TRA2B: variants seen among roughly 807,000 people sequenced by gnomAD.
TRA2B encodes the protein transformer 2 beta homolog.
Under a neutral mutation model 41.7 loss-of-function variants are expected in TRA2B, and 14 were observed. That is an observed-to-expected ratio of 0.34 (90% CI 0.22 to 0.53). The LOEUF (loss-of-function observed/expected upper bound fraction) is 0.53. TRA2B is among the 20% of genes least tolerant of loss of function. TRA2B has a pLI of 0.95. For missense variants in TRA2B, 167 were observed against 396.8 expected, an observed-to-expected ratio of 0.42 and a Z score of 4.92; for synonymous variants, 130 against 128.8, an observed-to-expected ratio of 1.01 and a Z score of -0.06.
chr3:185,934,375 T>G lies in TRA2B; in HGVS notation c.36+3450A>C, dbSNP rs1744266665. The G allele has an allele frequency of 3.0e-6, 3 of 985,196 alleles. No homozygotes were observed. In the Admixed American group the frequency reaches 1.8e-4, roughly 61 times the overall value. The allele number at this position is 985,196 out of a possible 1,614,324, so 61.0% of individuals were successfully genotyped here. A position where few individuals can be genotyped will look rare whatever the true frequency, so the allele number is the denominator to read the frequency against. On this transcript the variant is annotated intron_variant, in intron 1 of 8. Transcript: ENST00000453386. ...ATGTAAGGCAAATCCCATTAACACT[T>G]CCCCCACCACCTGAATTCCTTTTCA...
Position 185,923,777 on chromosome 3 carries a change from G to T in TRA2B, c.522+19C>A. 1 of 1,591,782 alleles carries T rather than the reference G, an allele frequency of 6.3e-7. No individual in the cohort carries two copies. Among genetic ancestry groups the T allele is most frequent in the South Asian group, 1.2e-5 (1 of 86,788 alleles). The stretch of plus-strand genomic sequence containing the variant: ...AACAATAGAACTGATGGTTTACAAA[G>T]GAACGGGCTTTTACTTACTTCCTTG... On this transcript the variant is annotated intron_variant, in intron 4 of 8. Coordinates refer to ENST00000453386, the MANE Select transcript of TRA2B (RefSeq NM_004593.3).
At chr3:185,937,004 G>T in intron 1 of TRA2B, 2 of 985,388 alleles carry the variant, frequency 2.0e-6, no homozygotes, top group Non-Finnish European at 2.4e-6. Flanking sequence ...AAATAACGGC[G>T]CCGTAAATGG....
intron 2 of TRA2B, 121 bp from the exon 3 acceptor site, chr3:185,925,747 A>G (rs1387610760): frequency 1.0e-6 from 1 of 993,956 alleles, no homozygotes; most frequent in African/African-American, 1.7e-5. Flanking sequence ...CATGGTTACC[A>G]ATTTAGTAGG....
Position 185,937,956 on chromosome 3 carries a change from G to C in TRA2B, c.-96C>G. 5 of 1,482,782 alleles carry C rather than the reference G, an allele frequency of 3.4e-6. No homozygotes were observed. Among genetic ancestry groups the C allele is most frequent in the Non-Finnish European group, 4.6e-6 (5 of 1,080,236 alleles). The allele number at this position is 1,482,782 out of a possible 1,614,324, so 91.9% of individuals were successfully genotyped here. A position where few individuals can be genotyped will look rare whatever the true frequency, so the allele number is the denominator to read the frequency against. The stretch of plus-strand genomic sequence containing the variant: ...AGGCTCCGCCGCAGCCCCGCACGAC[G>C]CGCCGGTCGCCCAGCCGCTCAGAGC... On this transcript the variant is annotated 5_prime_UTR_variant, in exon 1 of 9. Transcript: ENST00000453386.
chr3:185,926,477 C>T (rs891069243), intron 2 of TRA2B, 124 bp downstream of exon 2: 3 of 1,321,604 alleles, frequency 2.3e-6, no homozygotes, highest in Admixed American at 2.1e-5. Context: ...CTTAAGTTCA[C>T]TTCTAGTACC....
chr3:185,925,707 A>C, intron 2 of TRA2B, 81 bp from the exon 3 acceptor site: 1 of 1,396,362 alleles, frequency 7.2e-7, no homozygotes, highest in African/African-American at 1.4e-5. Flanking sequence ...GTTAAACTCC[A>C]AAAGAGGGAA....
chr3:185,931,598 C>T, intron 1 of TRA2B: 1 of 1,272,106 alleles, frequency 7.9e-7, no homozygotes, highest in Non-Finnish European at 9.9e-7. Flanking sequence ...CTTTCTGATT[C>T]CAGATTACTT....
chr3:185,927,360 A>G (rs761793462), intron 1 of TRA2B: 22 of 152,244 alleles, frequency 1.4e-4, no homozygotes, highest in Admixed American at 2.6e-4. Context: ...GGCCCCCTAA[A>G]AAACTGAAAG....
At chr3:185,921,319 T>C in intron 5 of TRA2B, 132 bp from the exon 6 acceptor site, 2 of 736,384 alleles carry the variant, frequency 2.7e-6, no homozygotes, top group Non-Finnish European at 4.6e-6. Context: ...TCACCTATAT[T>C]GAGCAAACAT....
At chr3:185,935,661 TCCAGAGAAGCATCATTTACA>T in intron 1 of TRA2B, 1 of 985,414 alleles carries the variant, frequency 1.0e-6, no homozygotes, top group Non-Finnish European at 1.2e-6. Context: ...TTTTTCTGGC[TCCAGAGAAGCATCATTTACA>T]CCACAGGCAT....
At chr3:185,920,218 C>A (rs532048517) in intron 6 of TRA2B, among the ~76,000 whole-genome samples, 5 of 152,122 alleles carry the variant, frequency 3.3e-5, no homozygotes, top group African/African-American at 1.2e-4. Flanking sequence ...TCCATTTTAC[C>A]TGCCCTCAGT....
intron 1 of TRA2B, chr3:185,931,664 CTTCT>C: frequency 7.8e-7 from 1 of 1,275,494 alleles, no homozygotes; most frequent in Admixed American, 4.1e-5. Flanking sequence ...CAAATTCTGA[CTTCT>C]TTCATCTTCC....
At position 185,916,480 on chromosome 3, in the gene TRA2B, A is replaced by C. The variant is rs541157152; in HGVS notation, c.*1235T>G. The C allele has an allele frequency of 6.6e-6, 1 of 152,212 alleles. No homozygotes were observed. Among genetic ancestry groups the C allele is most frequent in the Non-Finnish European group, 1.5e-5 (1 of 68,036 alleles). The allele number at this position is 152,212 out of a possible 1,614,324, so 9.4% of individuals were successfully genotyped here. ...TACAATTGGTCATGAAAATTACTTA[A>C]ATGCAAAATAATAAGAACATGTATT... On this transcript the variant is annotated 3_prime_UTR_variant, in exon 9 of 9. Transcript: ENST00000453386.
At chr3:185,917,820 A>C in intron 8 of TRA2B, 95 bp from the exon 9 acceptor site, 1 of 1,375,246 alleles carries the variant, frequency 7.3e-7, no homozygotes. Flanking sequence ...TGCCATTAAG[A>C]AATTCCTATG....
chr3:185,937,617 C>G (rs1237185195), intron 1 of TRA2B, among the ~76,000 whole-genome samples: 2 of 152,232 alleles, frequency 1.3e-5, no homozygotes, highest in African/African-American at 4.8e-5. Flanking sequence ...ATAAACCCGC[C>G]GGGGGCCTCC....
Position 185,936,453 on chromosome 3 carries a change from G to GC in TRA2B, c.36+1371dup, listed in dbSNP as rs534495425. On this transcript the variant is annotated intron_variant, in intron 1 of 8. Transcript: ENST00000453386. Reference sequence around the variant, plus strand: ...TCTATGCTCATCCGAGTATGTAAACGCAAGGCTTGATTAGTTCAAACCAAA... The same window carrying GC: ...TCTATGCTCATCCGAGTATGTAAACGCCAAGGCTTGATTAGTTCAAACCAAA... 12 of 985,310 alleles carry GC rather than the reference G, an allele frequency of 1.2e-5. No homozygotes were observed. In the African/African-American group the frequency reaches 2.1e-4, roughly 17 times the overall value. The allele number at this position is 985,310 out of a possible 1,614,324, so 61.0% of individuals were successfully genotyped here. A position where few individuals can be genotyped will look rare whatever the true frequency, so the allele number is the denominator to read the frequency against.
At chr3:185,929,958 T>TTG (rs1374242897) in intron 1 of TRA2B, among the ~76,000 whole-genome samples, 6 of 152,028 alleles carry the variant, frequency 3.9e-5, no homozygotes, top group African/African-American at 9.7e-5. Flanking sequence ...TAAGGCAGTC[T>TTG]TTCACACACT....
Position 185,937,943 on chromosome 3 carries a change from AG to A in TRA2B, c.-84del. The A allele has an allele frequency of 6.4e-7, 1 of 1,555,576 alleles. No individual in the cohort carries two copies. The highest frequency in any genetic ancestry group is 2.3e-5 in the East Asian group (1 of 43,474). ...ACCTTCCTTAAGGAGGCTCCGCCGC[AG>A]CCCCGCACGACGCGCCGGTCGCCCA... On this transcript the variant is annotated 5_prime_UTR_variant, in exon 1 of 9. Transcript: ENST00000453386.
chr3:185,915,594 C>CA lies in TRA2B; in HGVS notation c.*2120dup, dbSNP rs538822368. Among the ~76,000 whole-genome samples, 316 of 152,316 alleles carry CA rather than the reference C, an allele frequency of 2.1e-3. No homozygotes were observed. Among genetic ancestry groups the CA allele is most frequent in the African/African-American group, 7.1e-3 (297 of 41,572 alleles). ...ACTTGGTAAAATTCCAAATTTTCCT[C>CA]AGTCTTTTGCCTGTTAACACTCTTT... On this transcript the variant is annotated 3_prime_UTR_variant, in exon 9 of 9. Transcript: ENST00000453386.
Sources: gnomAD v4.1 joint callset for allele counts (sites outside exome capture counted in the v4.1 genomes callset) on GRCh38, gnomAD v4.1.1 for gene constraint, MANE v1.5 for transcripts, NCBI Gene and HGNC (gene_info 2026-07-23, HGNC 2026-07-21) for gene names.